ENOX1: variants seen among roughly 807,000 people sequenced by gnomAD.
ENOX1 encodes the protein ecto-NOX disulfide-thiol exchanger 1, also known as candidate growth-related and time keeping constitutive hydroquinone (NADH) oxidase.
In ENOX1, 42 loss-of-function variants were observed where a neutral mutation model predicts 82.5. The ratio of observed to expected loss-of-function variants is 0.51; its 90% CI spans 0.40 to 0.66. ENOX1 has a LOEUF of 0.66. ENOX1 is among the 30% of genes least tolerant of loss of function. ENOX1 has a pLI of 0.00. For missense variants in ENOX1, 608 were observed against 811.6 expected (o/e 0.75, Z 3.05); for synonymous variants, 271 against 282.2 (o/e 0.96, Z 0.40).
chr13:43,250,138 T>A (rs2043367950), intron 14 of ENOX1, among the ~76,000 whole-genome samples: 1 of 152,204 alleles, frequency 6.6e-6, no homozygotes, highest in African/African-American at 2.4e-5. Context: ...TAATAGTAAG[T>A]AGCTTCCTTA....
At chr13:43,649,121 A>C (rs948722237) in intron 2 of ENOX1, among the ~76,000 whole-genome samples, 1 of 152,234 alleles carries the variant, frequency 6.6e-6, no homozygotes, top group African/African-American at 2.4e-5. Flanking sequence ...TACACACACA[A>C]AACAGGCCAC....
intron 12 of ENOX1, among the ~76,000 whole-genome samples, chr13:43,294,395 A>G (rs2046177527): frequency 6.6e-6 from 1 of 152,240 alleles, no homozygotes; most frequent in South Asian, 2.1e-4. Context: ...AAATAAAAAT[A>G]CTGCAAATTT....
chr13:43,503,245 T>C (rs764101012), intron 2 of ENOX1, among the ~76,000 whole-genome samples: 2 of 151,700 alleles, frequency 1.3e-5, no homozygotes, highest in Admixed American at 6.6e-5. Flanking sequence ...CCCATGTTCA[T>C]GGAAAGACTT....
At chr13:43,469,439 G>T (rs781246923) in intron 3 of ENOX1, among the ~76,000 whole-genome samples, 19 of 151,770 alleles carry the variant, frequency 1.3e-4, no homozygotes, top group Admixed American at 9.2e-4. Flanking sequence ...TTATGTATTT[G>T]TCAGGTTTTG....
intron 3 of ENOX1, among the ~76,000 whole-genome samples, chr13:43,435,256 C>T (rs984862820): frequency 3.9e-5 from 6 of 152,126 alleles, no homozygotes; most frequent in African/African-American, 1.2e-4. Flanking sequence ...GAGCACTCCA[C>T]GCTGGGAGCT....
intron 8 of ENOX1, among the ~76,000 whole-genome samples, chr13:43,346,410 C>A (rs1411086909): frequency 1.3e-5 from 2 of 152,098 alleles, no homozygotes; most frequent in Non-Finnish European, 2.9e-5. Context: ...TCTGAGCAAA[C>A]CTGCCCCCCT....
chr13:43,706,680 C>T (rs1424806754), intron 1 of ENOX1, among the ~76,000 whole-genome samples: 1 of 145,410 alleles, frequency 6.9e-6, no homozygotes, highest in Admixed American at 7.1e-5. Context: ...ATAGAAAGGA[C>T]ATTTTACAAA....
At chr13:43,647,596 A>C (rs2083955209) in intron 2 of ENOX1, among the ~76,000 whole-genome samples, 1 of 152,218 alleles carries the variant, frequency 6.6e-6, no homozygotes, top group African/African-American at 2.4e-5. Context: ...TCTGTTCTGC[A>C]ATATACATTC....
At chr13:43,583,004 G>C (rs2022177) in intron 2 of ENOX1, among the ~76,000 whole-genome samples, 127,454 of 146,266 alleles carry the variant, frequency 0.87, 54,445 homozygotes, top group Non-Finnish European at 0.92. Flanking sequence ...CAGACAGACA[G>C]ACACACACAC....
intron 1 of ENOX1, among the ~76,000 whole-genome samples, chr13:43,738,686 T>G (rs1389826836): frequency 6.6e-6 from 1 of 151,928 alleles, no homozygotes; most frequent in Non-Finnish European, 1.5e-5. Flanking sequence ...GCTCAGTTAT[T>G]TACAGTGATA....
intron 12 of ENOX1, among the ~76,000 whole-genome samples, chr13:43,272,106 T>C (rs1006809731): frequency 2.0e-5 from 3 of 152,168 alleles, no homozygotes; most frequent in Non-Finnish European, 4.4e-5. Context: ...ATTATTATTT[T>C]TTATTATACT....
At chr13:43,533,360 C>A (rs74892054) in intron 2 of ENOX1, among the ~76,000 whole-genome samples, 59 of 152,164 alleles carry the variant, frequency 3.9e-4, no homozygotes, top group African/African-American at 1.3e-3. Context: ...AGGATTTCCA[C>A]AGAAAAACAC....
At chr13:43,726,027 CATAAG>C (rs905271764) in intron 1 of ENOX1, among the ~76,000 whole-genome samples, 1 of 151,702 alleles carries the variant, frequency 6.6e-6, no homozygotes, top group Non-Finnish European at 1.5e-5. Context: ...GTCTCAGGAG[CATAAG>C]ATAACAATAC....
At chr13:43,283,255 T>C (rs1427023117) in intron 12 of ENOX1, among the ~76,000 whole-genome samples, 1 of 152,152 alleles carries the variant, frequency 6.6e-6, no homozygotes, top group Admixed American at 6.5e-5. Context: ...GTTGCATCTA[T>C]AGTTATACCT....
At chr13:43,425,403 C>T (rs1027842765) in intron 3 of ENOX1, among the ~76,000 whole-genome samples, 1 of 152,216 alleles carries the variant, frequency 6.6e-6, no homozygotes, top group Non-Finnish European at 1.5e-5. Flanking sequence ...CTGTCTTGGT[C>T]ACAGATTTGC....
chr13:43,553,080 G>T (rs185295339), intron 2 of ENOX1, among the ~76,000 whole-genome samples: 1 of 152,214 alleles, frequency 6.6e-6, no homozygotes, highest in East Asian at 1.9e-4. Flanking sequence ...TGGGAAATCT[G>T]AGCAGTCAGA....
At chr13:43,588,823 G>T (rs2081110403) in intron 2 of ENOX1, among the ~76,000 whole-genome samples, 1 of 152,122 alleles carries the variant, frequency 6.6e-6, no homozygotes, top group Non-Finnish European at 1.5e-5. Flanking sequence ...AGCAAAAGTT[G>T]CATGGAACAA....
At chr13:43,431,276 C>T (rs941403018) in intron 3 of ENOX1, among the ~76,000 whole-genome samples, 7 of 152,090 alleles carry the variant, frequency 4.6e-5, no homozygotes, top group Non-Finnish European at 1.0e-4. Flanking sequence ...TTGGAGCTCC[C>T]GCAACACAGA....
chr13:43,588,963 G>C (rs945970283), intron 2 of ENOX1, among the ~76,000 whole-genome samples: 1 of 152,070 alleles, frequency 6.6e-6, no homozygotes, highest in Admixed American at 6.5e-5. Flanking sequence ...AAAGAGCACT[G>C]GTACAGATTT....
Sources: gnomAD v4.1 joint callset for allele counts (sites outside exome capture counted in the v4.1 genomes callset) on GRCh38, gnomAD v4.1.1 for gene constraint, MANE v1.5 for transcripts, NCBI Gene and HGNC (gene_info 2026-07-23, HGNC 2026-07-21) for gene names.